The following UNC5C variants were observed in gnomAD, a reference collection of about 807,000 sequenced individuals.
UNC5C encodes the protein unc-5 netrin receptor C, also known as netrin receptor UNC5C.
UNC5C carries 47 observed loss-of-function variants against 99.8 expected under a neutral mutation model. That is an observed-to-expected ratio of 0.47 (90% confidence interval 0.37 to 0.60). UNC5C has a LOEUF of 0.60. Ranked by LOEUF, UNC5C falls within the 20% of genes least tolerant of loss-of-function variation. The probability of loss-of-function intolerance (pLI) is 0.00; values close to 1 mark genes in which losing one functional copy is unlikely to be tolerated. For synonymous variants in UNC5C, 487 were observed against 452.2 expected (o/e 1.08, Z -0.98); for missense variants, 1,062 against 1,165.9 (o/e 0.91, Z 1.30).
At chr4:95,379,353 T>C (rs1014151681) in intron 1 of UNC5C, among the ~76,000 whole-genome samples, 3 of 152,226 alleles carry the variant, frequency 2.0e-5, no homozygotes, top group African/African-American at 7.2e-5. Context: ...TGCCATACAA[T>C]GACTATCATG....
In UNC5C at chr4:95,168,178, C is replaced by G. The variant is rs1735932447; in HGVS notation, c.*1056G>C. ...AGACTCCTCAGAGGAGAAAGAAAGA[C>G]CCTGCCTGAGCAAGCTGAAGGAACA... On this transcript the variant is annotated 3_prime_UTR_variant, in exon 16 of 16. Coordinates refer to ENST00000453304, the MANE Select transcript of UNC5C (RefSeq NM_003728.4). 6.6e-6 allele frequency: 1 copy of G among 152,134 alleles called. No individual in the cohort carries two copies. The highest frequency in any genetic ancestry group is 1.5e-5 in the Non-Finnish European group (1 of 68,048). 9.4% of individuals were successfully genotyped at this position (152,134 alleles called of 1,614,324 possible).
intron 2 of UNC5C, among the ~76,000 whole-genome samples, chr4:95,331,721 A>G (rs925269124): frequency 1.3e-5 from 2 of 150,676 alleles, no homozygotes; most frequent in African/African-American, 5.0e-5. Flanking sequence ...ATGTAATATT[A>G]ATTAATTTTT....
At chr4:95,196,273 G>A (rs1560726312) in intron 12 of UNC5C, among the ~76,000 whole-genome samples, 2 of 152,090 alleles carry the variant, frequency 1.3e-5, no homozygotes, top group African/African-American at 2.4e-5. Flanking sequence ...GAAGACGGGG[G>A]AAAAAGAAAA....
At chr4:95,541,407 G>C (rs553993222) in intron 1 of UNC5C, among the ~76,000 whole-genome samples, 131 of 151,152 alleles carry the variant, frequency 8.7e-4, no homozygotes, top group Middle Eastern at 6.9e-3. Flanking sequence ...ACTATCTGTA[G>C]TTTCAGGCAT....
intron 1 of UNC5C, among the ~76,000 whole-genome samples, chr4:95,369,324 G>C (rs1316750457): frequency 6.6e-6 from 1 of 151,978 alleles, no homozygotes; most frequent in Non-Finnish European, 1.5e-5. Context: ...GCTGAGGTGG[G>C]CAGATCACTT....
rs188256834 is a variant in UNC5C at position 95,390,825 on chromosome 4, C to T, written c.125-55194G>A. On this transcript the variant is annotated intron_variant, in intron 1 of 15. Transcript: ENST00000453304. ...CACTGCAAGCTCAAACTCCTGGACT[C>T]GAGAGATTCTCCCATCTCAGCCTCC... Among the ~76,000 whole-genome samples, 4 of 152,202 alleles carry T rather than the reference C, an allele frequency of 2.6e-5. No individual in the cohort carries two copies. The East Asian group carries it at 5.8e-4, about 22-fold the overall frequency.
intron 7 of UNC5C, among the ~76,000 whole-genome samples, chr4:95,241,471 T>C (rs939249275): frequency 2.0e-5 from 3 of 152,212 alleles, no homozygotes; most frequent in Non-Finnish European, 2.9e-5. Context: ...AAAAACAAAA[T>C]ATTTTATTCT....
chr4:95,361,137 T>C (rs1744377717), intron 1 of UNC5C, among the ~76,000 whole-genome samples: 1 of 152,176 alleles, frequency 6.6e-6, no homozygotes, highest in Non-Finnish European at 1.5e-5. Flanking sequence ...ACGGATCACA[T>C]GTCTTTCGGA....
chr4:95,424,243 C>T (rs1746398799), intron 1 of UNC5C, among the ~76,000 whole-genome samples: 1 of 151,928 alleles, frequency 6.6e-6, no homozygotes, highest in Non-Finnish European at 1.5e-5. Flanking sequence ...CTTTGACATC[C>T]CTCCCTACCC....
chr4:95,384,098 A>C (rs1451576244), intron 1 of UNC5C, among the ~76,000 whole-genome samples: 1 of 152,222 alleles, frequency 6.6e-6, no homozygotes, highest in East Asian at 1.9e-4. Context: ...TCTAAGATAA[A>C]GTAATAACTA....
chr4:95,272,402 A>G (rs925153672), intron 4 of UNC5C, among the ~76,000 whole-genome samples: 1 of 152,210 alleles, frequency 6.6e-6, no homozygotes, highest in African/African-American at 2.4e-5. Flanking sequence ...AAAATCTGTT[A>G]TTTCTTTTGC....
chr4:95,364,645 G>A (rs1212306871), intron 1 of UNC5C, among the ~76,000 whole-genome samples: 2 of 152,126 alleles, frequency 1.3e-5, no homozygotes, highest in African/African-American at 4.8e-5. Flanking sequence ...GATTTCAAAT[G>A]AGTGCCTTTT....
At chr4:95,486,081 C>A (rs1721320475) in intron 1 of UNC5C, among the ~76,000 whole-genome samples, 1 of 151,690 alleles carries the variant, frequency 6.6e-6, no homozygotes, top group Non-Finnish European at 1.5e-5. Flanking sequence ...ATGATTTAAT[C>A]AGCTTTGATT....
chr4:95,280,180 T>C (rs548508962), intron 3 of UNC5C, among the ~76,000 whole-genome samples: 11 of 152,134 alleles, frequency 7.2e-5, no homozygotes, highest in African/African-American at 2.6e-4. Context: ...AGAAAGCACC[T>C]GGAAAAAAAT....
rs1362367259 is a variant in UNC5C at position 95,163,662 on chromosome 4, A to G, written c.*5572T>C. 1 of 152,224 alleles carries G rather than the reference A, an allele frequency of 6.6e-6. No individual in the cohort carries two copies. Among genetic ancestry groups the G allele is most frequent in the Admixed American group, 6.5e-5 (1 of 15,286 alleles). The allele number at this position is 152,224 out of a possible 1,614,324, so 9.4% of individuals were successfully genotyped here. On this transcript the variant is annotated 3_prime_UTR_variant, in exon 16 of 16. Transcript: ENST00000453304. ...CAATTTATATTTTTGTTGAAGGACA[A>G]ATCTGAAATGGTATGTTAAAAGGCT...
At chr4:95,412,874 T>G (rs142415021) in intron 1 of UNC5C, among the ~76,000 whole-genome samples, 1 of 152,142 alleles carries the variant, frequency 6.6e-6, no homozygotes, top group Non-Finnish European at 1.5e-5. Context: ...GAGGCTGGCA[T>G]GGACAGGAAC....
intron 3 of UNC5C, among the ~76,000 whole-genome samples, chr4:95,281,817 G>T (rs947640333): frequency 2.7e-4 from 41 of 152,138 alleles, no homozygotes; most frequent in African/African-American, 9.9e-4. Context: ...CTAGATCATG[G>T]TTCCTAAACC....
chr4:95,305,280 G>C (rs940980080), intron 2 of UNC5C, among the ~76,000 whole-genome samples: 1 of 152,190 alleles, frequency 6.6e-6, no homozygotes, highest in Non-Finnish European at 1.5e-5. Flanking sequence ...GCATTATTCA[G>C]ACTCTGAGCT....
At chr4:95,379,661 TATTA>T (rs1219071909) in intron 1 of UNC5C, among the ~76,000 whole-genome samples, 2 of 152,216 alleles carry the variant, frequency 1.3e-5, no homozygotes, top group Non-Finnish European at 2.9e-5. Context: ...TCAAATGGGC[TATTA>T]TTTTCACTGA....
Sources: gnomAD v4.1 joint callset for allele counts (sites outside exome capture counted in the v4.1 genomes callset) on GRCh38, gnomAD v4.1.1 for gene constraint, MANE v1.5 for transcripts, NCBI Gene and HGNC (gene_info 2026-07-23, HGNC 2026-07-21) for gene names.